Variants in LINGO2 observed in about 807,000 individuals in gnomAD.
LINGO2 encodes the protein leucine rich repeat and Ig domain containing 2, also known as leucine-rich repeat and immunoglobulin-like domain-containing nogo receptor-interacting protein 2.
Under a neutral mutation model 30.6 loss-of-function variants are expected in LINGO2, and 14 were observed. The ratio of observed to expected loss-of-function variants is 0.46; its 90% confidence interval spans 0.30 to 0.72. The LOEUF (loss-of-function observed/expected upper bound fraction) is 0.72. LINGO2 is among the 30% of genes least tolerant of loss of function. The pLI is 0.07. For synonymous variants in LINGO2, 317 were observed against 288.5 expected (o/e 1.10, Z -1.00); for missense variants, 729 against 751.7 (o/e 0.97, Z 0.35).
the LINGO2 span, among the ~76,000 whole-genome samples, chr9:28,974,384 C>T: frequency 1.1e-4 from 16 of 151,744 alleles, 1 homozygote; most frequent in East Asian, 5.8e-4. Flanking sequence ...CCAGCCTGGG[C>T]GACAGTGGAA....
intron 4 of LINGO2, among the ~76,000 whole-genome samples, chr9:28,108,576 A>G (rs966718938): frequency 6.6e-6 from 1 of 152,072 alleles, no homozygotes; most frequent in Non-Finnish European, 1.5e-5. Context: ...TCAGGAGTGT[A>G]ACTTTCTGAG....
At chr9:28,540,236 G>C (rs1433560400) in intron 1 of LINGO2, among the ~76,000 whole-genome samples, 1 of 150,068 alleles carries the variant, frequency 6.7e-6, no homozygotes, top group Non-Finnish European at 1.5e-5. Flanking sequence ...TTTTCTTTGA[G>C]ACAGGCTCTC....
At chr9:28,469,839 G>C (rs1320476362) in intron 2 of LINGO2, among the ~76,000 whole-genome samples, 1 of 152,054 alleles carries the variant, frequency 6.6e-6, no homozygotes, top group African/African-American at 2.4e-5. Flanking sequence ...CTTACAAGTT[G>C]AAATGAAAAC....
At chr9:28,829,804 C>G in the LINGO2 span, among the ~76,000 whole-genome samples, 1 of 152,000 alleles carries the variant, frequency 6.6e-6, no homozygotes, top group Non-Finnish European at 1.5e-5. Flanking sequence ...GCAGGAGAGT[C>G]GCTTGAATTC....
At chr9:28,323,106 G>C (rs1825106792) in intron 3 of LINGO2, among the ~76,000 whole-genome samples, 1 of 152,130 alleles carries the variant, frequency 6.6e-6, no homozygotes, top group Admixed American at 6.6e-5. Flanking sequence ...AATAGTCCCA[G>C]AGTGGGTGGT....
At chr9:28,172,045 A>AC (rs1554682048) in intron 4 of LINGO2, among the ~76,000 whole-genome samples, 4,458 of 140,890 alleles carry the variant, frequency 0.032, 292 homozygotes, top group African/African-American at 0.11. Flanking sequence ...AAAAAAAAAA[A>AC]CCCAGCATCT....
intron 4 of LINGO2, among the ~76,000 whole-genome samples, chr9:28,153,405 T>C (rs1828051268): frequency 6.6e-6 from 1 of 152,182 alleles, no homozygotes; most frequent in South Asian, 2.1e-4. Context: ...AATTCTAATA[T>C]ATACAGACCT....
At chr9:28,032,371 C>G (rs1372626132) in intron 4 of LINGO2, among the ~76,000 whole-genome samples, 1 of 152,198 alleles carries the variant, frequency 6.6e-6, no homozygotes, top group Non-Finnish European at 1.5e-5. Flanking sequence ...GAATGCTGAT[C>G]ACAGATGGGC....
At chr9:28,310,670 T>C (rs192916949) in intron 3 of LINGO2, among the ~76,000 whole-genome samples, 2 of 152,178 alleles carry the variant, frequency 1.3e-5, no homozygotes, top group African/African-American at 2.4e-5. Context: ...CATGGGTATA[T>C]TCATGTGTCA....
the LINGO2 span, among the ~76,000 whole-genome samples, chr9:28,987,732 T>A: frequency 6.6e-6 from 1 of 152,158 alleles, no homozygotes; most frequent in Non-Finnish European, 1.5e-5. Flanking sequence ...TTTTGGTGTG[T>A]CATATTTTCA....
chr9:29,162,651 T>A, the LINGO2 span, among the ~76,000 whole-genome samples: 3 of 152,142 alleles, frequency 2.0e-5, no homozygotes, highest in Non-Finnish European at 4.4e-5. Flanking sequence ...GGATGGTGTA[T>A]ATAAAAAAAG....
intron 1 of LINGO2, among the ~76,000 whole-genome samples, chr9:28,513,642 C>G (rs1008811081): frequency 6.6e-6 from 1 of 152,142 alleles, no homozygotes; most frequent in East Asian, 1.9e-4. Flanking sequence ...GATGAGTCTA[C>G]TTTTGCCAAC....
chr9:28,076,154 C>T (rs142683558), intron 4 of LINGO2, among the ~76,000 whole-genome samples: 4 of 152,228 alleles, frequency 2.6e-5, no homozygotes, highest in African/African-American at 9.6e-5. Flanking sequence ...ATTCACCCCA[C>T]ATTTTCTTCA....
intron 4 of LINGO2, among the ~76,000 whole-genome samples, chr9:28,087,507 A>G (rs946841317): frequency 5.3e-5 from 8 of 152,022 alleles, no homozygotes; most frequent in Admixed American, 5.3e-4. Flanking sequence ...TGAGTTCCCT[A>G]AGATTGAAAG....
At chr9:28,594,134 A>T (rs1825060568) in intron 1 of LINGO2, among the ~76,000 whole-genome samples, 1 of 152,064 alleles carries the variant, frequency 6.6e-6, no homozygotes, top group African/African-American at 2.4e-5. Flanking sequence ...TGGGTGTTAT[A>T]AAAGAGCAAA....
the LINGO2 span, among the ~76,000 whole-genome samples, chr9:29,098,779 T>C: frequency 1.3e-5 from 2 of 152,180 alleles, no homozygotes; most frequent in African/African-American, 4.8e-5. Flanking sequence ...TTATCAAATA[T>C]ATCTGCATTT....
the LINGO2 span, among the ~76,000 whole-genome samples, chr9:28,993,286 G>A: frequency 4.1e-4 from 63 of 152,108 alleles, no homozygotes; most frequent in African/African-American, 1.3e-3. Context: ...TAAATTCCTC[G>A]ACACATACAC....
the LINGO2 span, among the ~76,000 whole-genome samples, chr9:29,031,155 C>A: frequency 6.6e-6 from 1 of 152,118 alleles, no homozygotes; most frequent in Non-Finnish European, 1.5e-5. Flanking sequence ...ACAACAAAAA[C>A]CACACAGTAG....
At chr9:28,172,298 G>A (rs1273558222) in intron 4 of LINGO2, among the ~76,000 whole-genome samples, 1 of 149,522 alleles carries the variant, frequency 6.7e-6, no homozygotes, top group Non-Finnish European at 1.5e-5. Context: ...GGCTGAGGCA[G>A]GAGAATGGCG....
Sources: gnomAD v4.1 joint callset for allele counts (sites outside exome capture counted in the v4.1 genomes callset) on GRCh38, gnomAD v4.1.1 for gene constraint, MANE v1.5 for transcripts, NCBI Gene and HGNC (gene_info 2026-07-23, HGNC 2026-07-21) for gene names.